Variants in TBCEL observed in about 807,000 individuals in gnomAD.
TBCEL encodes the protein tubulin-specific chaperone cofactor E-like protein.
Under a neutral mutation model 44.2 loss-of-function variants are expected in TBCEL, and 15 were observed. That is an observed-to-expected ratio of 0.34 (90% CI 0.23 to 0.52). The LOEUF is 0.52. TBCEL is among the 20% of genes least tolerant of loss of function. The pLI, the probability that TBCEL is intolerant of heterozygous loss-of-function variation, is 0.95. For synonymous variants in TBCEL, 171 were observed against 185.4 expected (o/e 0.92, Z 0.63); for missense variants, 319 against 506.3 (o/e 0.63, Z 3.55).
chr11:121,056,526 G>T (rs1464717591), intron 6 of TBCEL, among the ~76,000 whole-genome samples: 1 of 151,724 alleles, frequency 6.6e-6, no homozygotes, highest in Non-Finnish European at 1.5e-5. Context: ...GGATCGTATG[G>T]TAAGATTATG....
chr11:121,062,289 C>G (rs1043012483), intron 8 of TBCEL, among the ~76,000 whole-genome samples: 1 of 152,014 alleles, frequency 6.6e-6, no homozygotes, highest in Non-Finnish European at 1.5e-5. Context: ...GGCTGTTTTA[C>G]AGTTAATTTC....
intron 8 of TBCEL, among the ~76,000 whole-genome samples, chr11:121,083,563 A>G (rs182378802): frequency 4.9e-4 from 75 of 152,348 alleles, no homozygotes; most frequent in African/African-American, 1.5e-3. Flanking sequence ...AAGGTAGGCT[A>G]ATTTCTGAAT....
chr11:121,046,274 G>A (rs2134922212), intron 3 of TBCEL, among the ~76,000 whole-genome samples: 1 of 152,202 alleles, frequency 6.6e-6, no homozygotes, highest in Non-Finnish European at 1.5e-5. Flanking sequence ...ATGATTCAAA[G>A]CTGTGAGATT....
intron 8 of TBCEL, among the ~76,000 whole-genome samples, chr11:121,081,653 A>G (rs1005631696): frequency 1.1e-4 from 17 of 152,248 alleles, no homozygotes; most frequent in African/African-American, 3.9e-4. Context: ...AATAAAATAT[A>G]TAAGCTGAAA....
In TBCEL at chr11:121,045,840, C is replaced by G; in HGVS notation, c.133+17C>G. ...CTATGAAAGGTAAGAAAGATGGGAC[C>G]TAAAACACTTATTTAGTGGAGCTTA... On this transcript the variant is annotated intron_variant, in intron 3 of 8. Coordinates refer to ENST00000683345, the MANE Select transcript of TBCEL (RefSeq NM_001363644.2). 1 of 1,555,408 alleles carries G rather than the reference C, an allele frequency of 6.4e-7. No individual in the cohort carries two copies. Among genetic ancestry groups the G allele is most frequent in the South Asian group, 1.2e-5 (1 of 80,474 alleles).
In TBCEL at chr11:121,047,637, T is replaced by C. The variant is rs749617959; in HGVS notation, c.243T>C (p.Leu81=). The change falls in exon 4 of 9, where the codon CTT becomes CTC. Residue 81 remains leucine (L), a synonymous_variant. Transcript: ENST00000683345. ...AFCAHVSELD[L]SDNKLEDWHE... ...GCGCTCATGTGTCGGAACTAGATCT[T>C]TCTGACAACAAACTCGAAGACTGGC... 1.2e-6 allele frequency: 2 copies of C among 1,612,668 alleles called. No homozygotes were observed. Among genetic ancestry groups the C allele is most frequent in the Non-Finnish European group, 1.7e-6 (2 of 1,179,146 alleles).
In TBCEL at chr11:121,088,250, A is replaced by G. The variant is rs1946246208; in HGVS notation, c.*1154A>G. On this transcript the variant is annotated 3_prime_UTR_variant, in exon 9 of 9. Coordinates refer to ENST00000683345, the MANE Select transcript of TBCEL (RefSeq NM_001363644.2). Reference sequence around the variant, plus strand: ...GTTTTCCCTGGGACTTTGTGATATCATAATTGAACAGTTCTTTTGTTTTAC... The same window carrying G: ...GTTTTCCCTGGGACTTTGTGATATCGTAATTGAACAGTTCTTTTGTTTTAC... 6.6e-6 allele frequency: 1 copy of G among 152,236 alleles called. No homozygotes were observed. The allele number at this position is 152,236 out of a possible 1,614,324, so 9.4% of individuals were successfully genotyped here.
At chr11:121,036,773 G>A (rs2000525) in intron 2 of TBCEL, among the ~76,000 whole-genome samples, 161 bp downstream of exon 2, 26,550 of 152,078 alleles carry the variant, frequency 0.17, 2,418 homozygotes, top group East Asian at 0.33. Context: ...AGTTGCTAAT[G>A]TGCAGTTATT....
At chr11:121,052,483 G>A (rs1276188543) in intron 4 of TBCEL, among the ~76,000 whole-genome samples, 1 of 151,702 alleles carries the variant, frequency 6.6e-6, no homozygotes, top group Non-Finnish European at 1.5e-5. Flanking sequence ...TTTGAACCCA[G>A]GCTTTTTGAC....
intron 8 of TBCEL, among the ~76,000 whole-genome samples, chr11:121,082,294 A>T (rs1242298114): frequency 6.6e-6 from 1 of 152,182 alleles, no homozygotes; most frequent in East Asian, 1.9e-4. Flanking sequence ...GCTCTGGAGG[A>T]GAATCTCTTT....
chr11:121,045,667 C>T lies in TBCEL; in HGVS notation c.-17-7C>T. The T allele has an allele frequency of 6.4e-7, 1 of 1,557,320 alleles. No homozygotes were observed. Among genetic ancestry groups the T allele is most frequent in the Non-Finnish European group, 8.6e-7 (1 of 1,156,130 alleles). On this transcript the variant is annotated splice_region_variant and splice_polypyrimidine_tract_variant and intron_variant, in intron 2 of 8. Transcript: ENST00000683345. ...ACATAATTTGATTATTTCTTGGTTT[C>T]TTGTAGCATTTTAAGAAAGAAAGAT...
At chr11:121,037,963 ATT>A (rs771076664) in intron 2 of TBCEL, among the ~76,000 whole-genome samples, 10 of 144,564 alleles carry the variant, frequency 6.9e-5, no homozygotes, top group Admixed American at 1.4e-4. Context: ...TGCAGAATGA[ATT>A]TTTTTTTTTT....
At chr11:121,040,782 A>G (rs1439232954) in intron 2 of TBCEL, among the ~76,000 whole-genome samples, 1 of 152,140 alleles carries the variant, frequency 6.6e-6, no homozygotes, top group Non-Finnish European at 1.5e-5. Context: ...AACACTTTAC[A>G]TTTCAAAAAG....
intron 8 of TBCEL, among the ~76,000 whole-genome samples, chr11:121,077,471 G>A (rs1389334744): frequency 1.3e-5 from 2 of 152,038 alleles, no homozygotes; most frequent in Admixed American, 6.6e-5. Context: ...TATGTGGTCT[G>A]TGGTGATGTT....
chr11:121,033,540 AT>A (rs1945179258), intron 1 of TBCEL, among the ~76,000 whole-genome samples: 2 of 152,158 alleles, frequency 1.3e-5, no homozygotes, highest in Admixed American at 1.3e-4. Flanking sequence ...ATTTGCATTA[AT>A]TTGATAAGTG....
chr11:121,062,879 T>A (rs1480938110), intron 8 of TBCEL, among the ~76,000 whole-genome samples: 1 of 152,196 alleles, frequency 6.6e-6, no homozygotes, highest in Non-Finnish European at 1.5e-5. Flanking sequence ...TGCTGGACTT[T>A]ACCACTGGAC....
At chr11:121,027,482 C>T (rs747893854) in intron 1 of TBCEL, among the ~76,000 whole-genome samples, 1 of 152,126 alleles carries the variant, frequency 6.6e-6, no homozygotes, top group African/African-American at 2.4e-5. Flanking sequence ...TGAATAAAGC[C>T]CATGGTGTTT....
intron 8 of TBCEL, among the ~76,000 whole-genome samples, chr11:121,079,423 A>G (rs1377324658): frequency 6.6e-6 from 1 of 152,210 alleles, no homozygotes; most frequent in African/African-American, 2.4e-5. Context: ...AACCACTAAG[A>G]TGATGAAACT....
intron 8 of TBCEL, among the ~76,000 whole-genome samples, chr11:121,071,117 C>T (rs1945922782): frequency 6.6e-6 from 1 of 152,104 alleles, no homozygotes; most frequent in Non-Finnish European, 1.5e-5. Flanking sequence ...GTCAAGTGTA[C>T]ATGTTTATTA....
Sources: allele counts gnomAD v4.1 joint callset (sites outside exome capture counted in the v4.1 genomes callset), GRCh38; gene constraint gnomAD v4.1.1; transcripts MANE v1.5; gene names NCBI Gene and HGNC (gene_info 2026-07-23, HGNC 2026-07-21).